CPO: variants seen among roughly 807,000 people sequenced by gnomAD.
CPO encodes the protein metallocarboxypeptidase C.
A neutral mutation model predicts 41.2 loss-of-function variants in CPO; 43 were observed. The observed-to-expected ratio is 1.04, with a 90% CI of 0.82 to 1.35. The LOEUF is 1.35. Ranked by LOEUF, CPO falls within the 40% of genes most tolerant of loss-of-function variation. The probability of loss-of-function intolerance (pLI) is 0.00; values close to 1 mark genes in which losing one functional copy is unlikely to be tolerated. For missense variants in CPO, 408 were observed against 451.7 expected, an observed-to-expected ratio of 0.90 and a Z score of 0.88; for synonymous variants, 178 against 162.7, an observed-to-expected ratio of 1.09 and a Z score of -0.72.
At chr2:206,953,569 C>A (rs1020446267) in intron 2 of CPO, among the ~76,000 whole-genome samples, 2 of 152,254 alleles carry the variant, frequency 1.3e-5, no homozygotes, top group Non-Finnish European at 2.9e-5. Context: ...CTCCTGGCTG[C>A]TTTCATAGGC....
At chr2:206,959,159 C>T (rs927840826) in intron 4 of CPO, among the ~76,000 whole-genome samples, 2 of 152,122 alleles carry the variant, frequency 1.3e-5, no homozygotes, top group African/African-American at 2.4e-5. Context: ...TTGTGTATTA[C>T]TTATAATCCT....
chr2:206,953,659 G>T (rs1477760349), intron 2 of CPO, among the ~76,000 whole-genome samples: 4 of 152,238 alleles, frequency 2.6e-5, no homozygotes, highest in African/African-American at 4.8e-5. Flanking sequence ...CTGGAGAATG[G>T]TGACCCTCTT....
chr2:206,960,906 A>G lies in CPO; in HGVS notation c.538A>G (p.Thr180Ala), dbSNP rs1376578181. ...SPHNNGTCFGTDLNRNFNASW... is the reference protein window; with the variant it reads ...SPHNNGTCFGADLNRNFNASW... ...CCATAATAATGGCACATGTTTTGGGACGGATCTCAATCGAAATTTCAATGC... is the reference window on the plus strand; with the variant it reads ...CCATAATAATGGCACATGTTTTGGGGCGGATCTCAATCGAAATTTCAATGC... The change falls in exon 6 of 9, where the codon ACG becomes GCG. Residue 180 changes from threonine to alanine, a missense_variant. Coordinates refer to ENST00000272852, the MANE Select transcript of CPO (RefSeq NM_173077.3). 1 of 1,613,718 alleles carries G rather than the reference A, an allele frequency of 6.2e-7. No individual in the cohort carries two copies. The highest frequency in any genetic ancestry group is 1.1e-5 in the South Asian group (1 of 91,068).
intron 7 of CPO, among the ~76,000 whole-genome samples, chr2:206,967,358 TAGATATAG>T (rs1285565255): frequency 2.1e-5 from 2 of 94,366 alleles, no homozygotes; most frequent in African/African-American, 3.9e-5. Context: ...TATAGATATA[TAGATATAG>T]ATATAGATAT....
At chr2:206,961,726 T>C (rs75206519) in intron 6 of CPO, among the ~76,000 whole-genome samples, 1 of 152,058 alleles carries the variant, frequency 6.6e-6, no homozygotes, top group East Asian at 1.9e-4. Context: ...AAAAAGACAA[T>C]GTCAGAACCT....
Position 206,959,486 on chromosome 2 carries a change from G to A in CPO, c.373-145G>A, listed in dbSNP as rs576314938. On this transcript the variant is annotated intron_variant, in intron 4 of 8. Coordinates refer to ENST00000272852, the MANE Select transcript of CPO (RefSeq NM_173077.3). ...GTGATAAAGTTTGGGAACAACTACT[G>A]TAATAAGACACGGAGGAGGGCTTGG... 4 of 581,534 alleles carry A rather than the reference G, an allele frequency of 6.9e-6. No homozygotes were observed. The South Asian group carries it at 9.0e-5, about 13-fold the overall frequency. 36.0% of individuals were successfully genotyped at this position (581,534 alleles called of 1,614,324 possible). A position where few individuals can be genotyped will look rare whatever the true frequency, so the allele number is the denominator to read the frequency against.
At chr2:206,951,344 AGCTTC>A (rs1693259748) in intron 2 of CPO, among the ~76,000 whole-genome samples, 2 of 152,242 alleles carry the variant, frequency 1.3e-5, no homozygotes, top group South Asian at 4.1e-4. Context: ...GTGAAAAATT[AGCTTC>A]TACTTATGTA....
intron 2 of CPO, among the ~76,000 whole-genome samples, chr2:206,954,057 A>T (rs767755070): frequency 1.3e-5 from 2 of 151,976 alleles, no homozygotes; most frequent in Non-Finnish European, 2.9e-5. Flanking sequence ...CCATGAAACC[A>T]ATTTTTCCTC....
At chr2:206,957,999 A>G (rs145566189) in intron 3 of CPO, among the ~76,000 whole-genome samples, 119 of 152,330 alleles carry the variant, frequency 7.8e-4, no homozygotes, top group African/African-American at 2.7e-3. Context: ...ATTAGGGGTT[A>G]TGCCTTTATC....
At chr2:206,956,415 TCAGCAG>T (rs55661715) in intron 3 of CPO, among the ~76,000 whole-genome samples, 14 of 151,042 alleles carry the variant, frequency 9.3e-5, no homozygotes, top group African/African-American at 2.7e-4. Context: ...ATCATCATCA[TCAGCAG>T]CAGCAGCAGC....
Position 206,951,091 on chromosome 2 carries a change from G to A in CPO, c.165+1378G>A, listed in dbSNP as rs1052442212. Among the ~76,000 whole-genome samples, 4 of 136,184 alleles carry A rather than the reference G, an allele frequency of 2.9e-5. No individual in the cohort carries two copies. In the South Asian group the frequency reaches 9.0e-4, roughly 31 times the overall value. The allele number at this position is 136,184 out of a possible 152,430, so 89.3% of individuals were successfully genotyped here. The stretch of plus-strand genomic sequence containing the variant: ...ACTTAAAGTATAATTAAAAAAAAAA[G>A]GGGTGGAACCAAAAAAAATTATCTT... On this transcript the variant is annotated intron_variant, in intron 2 of 8. Coordinates refer to ENST00000272852, the MANE Select transcript of CPO (RefSeq NM_173077.3).
Position 206,960,892 on chromosome 2 carries a change from G to C in CPO, c.524G>C (p.Gly175Ala). 1.2e-6 allele frequency: 2 copies of C among 1,613,782 alleles called. No homozygotes were observed. Among genetic ancestry groups the C allele is most frequent in the Non-Finnish European group, 1.7e-6 (2 of 1,179,732 alleles). Residue 175 changes from glycine to alanine, a missense_variant, in exon 6 of 9, where the codon GGC becomes GCC. By Grantham distance (60) the Gly-to-Ala change is moderately conservative. Coordinates refer to ENST00000272852, the MANE Select transcript of CPO (RefSeq NM_173077.3). ...WRKSRSPHNN[G>A]TCFGTDLNRN... ...AAATCCCGTTCACCCCATAATAATG[G>C]CACATGTTTTGGGACGGATCTCAAT...
intron 1 of CPO, among the ~76,000 whole-genome samples, chr2:206,944,420 C>T (rs1167571071): frequency 1.3e-5 from 2 of 151,864 alleles, no homozygotes; most frequent in African/African-American, 2.4e-5. Flanking sequence ...TAAAATTTCT[C>T]ACTCTGAAGC....
intron 2 of CPO, 121 bp downstream of exon 2, chr2:206,949,834 GC>G (rs1693217666): frequency 1.8e-6 from 1 of 554,834 alleles, no homozygotes. Flanking sequence ...GTTAAGATCT[GC>G]CAATACATTG....
At chr2:206,956,419 C>G in intron 3 of CPO, among the ~76,000 whole-genome samples, 1 of 151,966 alleles carries the variant, frequency 6.6e-6, no homozygotes, top group Admixed American at 6.6e-5. Flanking sequence ...TCATCATCAG[C>G]AGCAGCAGCA....
chr2:206,950,621 A>T (rs1693242396), intron 2 of CPO, among the ~76,000 whole-genome samples: 1 of 152,232 alleles, frequency 6.6e-6, no homozygotes, highest in Admixed American at 6.5e-5. Flanking sequence ...ATAAAGACAC[A>T]TGCACATGTA....
intron 2 of CPO, among the ~76,000 whole-genome samples, chr2:206,951,374 T>G (rs1693260531): frequency 6.6e-6 from 1 of 152,226 alleles, no homozygotes; most frequent in African/African-American, 2.4e-5. Context: ...TGTGTATGTA[T>G]GTGACATTAT....
At chr2:206,953,492 G>A (rs1693303513) in intron 2 of CPO, among the ~76,000 whole-genome samples, 1 of 152,244 alleles carries the variant, frequency 6.6e-6, no homozygotes, top group Non-Finnish European at 1.5e-5. Context: ...AGGTCATGCT[G>A]ATGCAAGAGG....
chr2:206,956,134 G>T (rs1377861226), intron 3 of CPO, among the ~76,000 whole-genome samples: 2 of 152,006 alleles, frequency 1.3e-5, no homozygotes, highest in African/African-American at 4.8e-5. Flanking sequence ...AAGTATTTGG[G>T]ACCGAAAAAC....
Sources: gnomAD v4.1 joint callset for allele counts (sites outside exome capture counted in the v4.1 genomes callset) on GRCh38, gnomAD v4.1.1 for gene constraint, MANE v1.5 for transcripts, NCBI Gene and HGNC (gene_info 2026-07-23, HGNC 2026-07-21) for gene names.